ANKH: variants seen among roughly 807,000 people sequenced by gnomAD.
The protein encoded by ANKH is ANKH inorganic pyrophosphate transport regulator, also known as mineralization regulator ANKH.
In ANKH, 15 loss-of-function variants were observed where a neutral mutation model predicts 49.0. The ratio of observed to expected loss-of-function variants is 0.31; its 90% CI spans 0.20 to 0.47. The LOEUF (loss-of-function observed/expected upper bound fraction) is 0.47. ANKH is among the 20% of genes least tolerant of loss of function. The pLI is 1.00. For missense variants in ANKH, 429 were observed against 652.0 expected, an observed-to-expected ratio of 0.66 and a Z score of 3.72; for synonymous variants, 273 against 260.0, an observed-to-expected ratio of 1.05 and a Z score of -0.48.
rs112207047 is a variant in ANKH at position 14,710,954 on chromosome 5, TA to T, written c.*242del. 2.0e-6 allele frequency: 1 copy of T among 494,124 alleles called. No homozygotes were observed. The allele number at this position is 494,124 out of a possible 1,614,324, so 30.6% of individuals were successfully genotyped here. A position where few individuals can be genotyped will look rare whatever the true frequency, so the allele number is the denominator to read the frequency against. ...CTTTTGGGTTTTCGTGAGGCAGGGG[TA>T]TGAAGTCAGTTGTTTCGTTTGTTTT... On this transcript the variant is annotated 3_prime_UTR_variant, in exon 12 of 12. Transcript: ENST00000284268.
intron 1 of ANKH, among the ~76,000 whole-genome samples, chr5:14,819,394 T>C (rs1741133232): frequency 6.6e-6 from 1 of 152,232 alleles, no homozygotes; most frequent in African/African-American, 2.4e-5. Context: ...GCCTGGACTT[T>C]CTGAACTCAA....
intron 1 of ANKH, 54 bp downstream of exon 1, chr5:14,871,288 CCGTGTCCGGG>C: frequency 1.4e-6 from 2 of 1,437,776 alleles, no homozygotes; most frequent in Middle Eastern, 3.5e-4. Flanking sequence ...CCCTCCGCCC[CCGTGTCCGGG>C]CGTGTAAGGC....
intron 1 of ANKH, 91 bp downstream of exon 1, chr5:14,871,261 C>A: frequency 8.9e-7 from 1 of 1,128,886 alleles, no homozygotes; most frequent in Non-Finnish European, 1.3e-6. Flanking sequence ...TAAAGAGGGA[C>A]TCGGAGCAGG....
intron 1 of ANKH, among the ~76,000 whole-genome samples, chr5:14,786,093 T>TA (rs1213367067): frequency 7.0e-6 from 1 of 142,364 alleles, no homozygotes; most frequent in Non-Finnish European, 1.6e-5. Flanking sequence ...GGAGAAAAAG[T>TA]AAAAAAATAA....
At chr5:14,814,668 T>G (rs2126578208) in intron 1 of ANKH, among the ~76,000 whole-genome samples, 1 of 152,308 alleles carries the variant, frequency 6.6e-6, no homozygotes, top group South Asian at 2.1e-4. Flanking sequence ...TCAGATGCTT[T>G]TTATTTTATT....
At chr5:14,854,856 G>GA (rs1742211630) in intron 1 of ANKH, among the ~76,000 whole-genome samples, 1 of 152,150 alleles carries the variant, frequency 6.6e-6, no homozygotes, top group Non-Finnish European at 1.5e-5. Context: ...GTAGTTGCCA[G>GA]AATAGCCTCT....
rs1420459272 is a variant in ANKH at position 14,745,734 on chromosome 5, T to C, written c.915+136A>G. On this transcript the variant is annotated intron_variant, in intron 7 of 11. Transcript: ENST00000284268. This position sits in a 1 kb window ranked among gnomAD's most constrained non-coding sequence, Gnocchi z 4.7. ...TTTTCTGAGGAAAATATTCCTTCAA[T>C]GCCCCCAACGTCACATTAACCTTAC... is the stretch of plus-strand genomic sequence containing the variant. 2.6e-6 allele frequency: 2 copies of C among 767,888 alleles called. No homozygotes were observed. The highest frequency in any genetic ancestry group is 4.6e-6 in the Non-Finnish European group (2 of 438,748). The allele number at this position is 767,888 out of a possible 1,614,324, so 47.6% of individuals were successfully genotyped here. A position where few individuals can be genotyped will look rare whatever the true frequency, so the allele number is the denominator to read the frequency against.
chr5:14,794,702 G>C (rs976455777), intron 1 of ANKH, among the ~76,000 whole-genome samples: 6 of 152,250 alleles, frequency 3.9e-5, no homozygotes, highest in Non-Finnish European at 7.3e-5. Flanking sequence ...AAGCAGATGA[G>C]AGAGCTTGCT....
Position 14,717,219 on chromosome 5 carries a change from T to C in ANKH, c.1012-384A>G, listed in dbSNP as rs994043239. 3.6e-5 allele frequency: 10 copies of C among 277,582 alleles called. No homozygotes were observed. In the East Asian group the frequency reaches 7.1e-4, roughly 20 times the overall value. The allele number at this position is 277,582 out of a possible 1,614,324, so 17.2% of individuals were successfully genotyped here. A position where few individuals can be genotyped will look rare whatever the true frequency, so the allele number is the denominator to read the frequency against. ...TTTATTCATATAATTTTTACAGCTT[T>C]AACAAGCAATAAAAAAAGACCTGAA... On this transcript the variant is annotated intron_variant, in intron 8 of 11. Transcript: ENST00000284268.
At position 14,768,963 on chromosome 5, in the gene ANKH, C is replaced by T. The variant is rs769050375; in HGVS notation, c.313+12G>A. The T allele has an allele frequency of 2.5e-5, 40 of 1,613,046 alleles. No homozygotes were observed. The highest frequency in any genetic ancestry group is 3.3e-4 in the Middle Eastern group (2 of 6,068). On this transcript the variant is annotated intron_variant, in intron 2 of 11. Coordinates refer to ENST00000284268, the MANE Select transcript of ANKH (RefSeq NM_054027.6). ...CAAAGCTAGATTCGTCAGTGGCGGT[C>T]GGCGGCCTCACCTATCAGTGTGTGA...
intron 1 of ANKH, among the ~76,000 whole-genome samples, chr5:14,806,638 A>G (rs1027729304): frequency 1.3e-5 from 2 of 152,152 alleles, no homozygotes; most frequent in African/African-American, 4.8e-5. Flanking sequence ...AGAGCAGGCG[A>G]GTTCCTGTGT....
rs1295719854 is a variant in ANKH at position 14,705,146 on chromosome 5, C to G, written c.*6051G>C. On this transcript the variant is annotated 3_prime_UTR_variant, in exon 12 of 12. Transcript: ENST00000284268. Reference sequence around the variant, plus strand: ...AGTAGCTGGGACTACAGATGCACACCACTGTGCCCAGCTAAATATTTTAAT... The same window carrying G: ...AGTAGCTGGGACTACAGATGCACACGACTGTGCCCAGCTAAATATTTTAAT... 6.6e-6 allele frequency: 1 copy of G among 152,134 alleles called. No homozygotes were observed. Among genetic ancestry groups the G allele is most frequent in the Non-Finnish European group, 1.5e-5 (1 of 68,026 alleles). The allele number at this position is 152,134 out of a possible 1,614,324, so 9.4% of individuals were successfully genotyped here. A position where few individuals can be genotyped will look rare whatever the true frequency, so the allele number is the denominator to read the frequency against.
At chr5:14,818,512 G>T (rs1213151796) in intron 1 of ANKH, among the ~76,000 whole-genome samples, 1 of 151,522 alleles carries the variant, frequency 6.6e-6, no homozygotes, top group African/African-American at 2.4e-5. Context: ...CATGGTGGCG[G>T]GCACCTGTAG....
At chr5:14,824,562 A>T (rs1321421448) in intron 1 of ANKH, among the ~76,000 whole-genome samples, 4 of 152,202 alleles carry the variant, frequency 2.6e-5, no homozygotes, top group Non-Finnish European at 1.5e-5. Flanking sequence ...TCATAATACA[A>T]AATAAGAAGT....
At chr5:14,711,596 C>T (rs1737208619) in intron 11 of ANKH, among the ~76,000 whole-genome samples, 1 of 152,208 alleles carries the variant, frequency 6.6e-6, no homozygotes, top group African/African-American at 2.4e-5. Flanking sequence ...GCTGCCCTTT[C>T]CAATGAGGGC....
intron 1 of ANKH, among the ~76,000 whole-genome samples, chr5:14,821,019 G>A (rs938146107): frequency 6.6e-6 from 1 of 151,624 alleles, no homozygotes; most frequent in African/African-American, 2.4e-5. Flanking sequence ...GATTGCTTGA[G>A]CTTGGGAGAT....
intron 1 of ANKH, among the ~76,000 whole-genome samples, chr5:14,779,793 G>T (rs957475509): frequency 3.9e-5 from 6 of 152,180 alleles, no homozygotes; most frequent in Non-Finnish European, 7.3e-5. Context: ...AGATGGGTAG[G>T]TCTTCCATGA....
intron 1 of ANKH, chr5:14,797,720 C>T (rs61742681): frequency 0.027 from 42,582 of 1,606,280 alleles, 627 homozygotes; most frequent in Middle Eastern, 0.038. Flanking sequence ...CTACTATTGC[C>T]GTATGCCCTG....
intron 8 of ANKH, among the ~76,000 whole-genome samples, chr5:14,722,239 C>G (rs143032411): frequency 5.3e-5 from 8 of 152,224 alleles, no homozygotes; most frequent in Non-Finnish European, 1.2e-4. Flanking sequence ...TTGACTTTTC[C>G]AAACCAGCAC....
Sources: allele counts gnomAD v4.1 joint callset (sites outside exome capture counted in the v4.1 genomes callset), GRCh38; gene constraint gnomAD v4.1.1; non-coding constraint Gnocchi (gnomAD v3.1); transcripts MANE v1.5; gene names NCBI Gene and HGNC (gene_info 2026-07-23, HGNC 2026-07-21).